SRFBP1: variants seen among roughly 807,000 people sequenced by gnomAD.
SRFBP1 encodes serum response factor binding protein 1.
In SRFBP1, 47 loss-of-function variants were observed where a neutral mutation model predicts 45.5. The observed-to-expected ratio is 1.03, with a 90% CI of 0.82 to 1.32. The LOEUF is 1.32. Among genes scored for constraint, SRFBP1 ranks in the 40% most tolerant of loss-of-function variants. The pLI, the probability that SRFBP1 is intolerant of heterozygous loss-of-function variation, is 0.00. For missense variants in SRFBP1, 621 were observed against 484.6 expected (o/e 1.28, Z -2.64); for synonymous variants, 203 against 166.3 (o/e 1.22, Z -1.70).
chr5:122,068,284 A>G (rs1046346188), intron 2 of SRFBP1, among the ~76,000 whole-genome samples: 1 of 152,022 alleles, frequency 6.6e-6, no homozygotes, highest in Non-Finnish European at 1.5e-5. Flanking sequence ...TTTCTTCTAA[A>G]TATCTAGCAA....
chr5:122,001,007 T>C (rs1752853975), intron 4 of SRFBP1, among the ~76,000 whole-genome samples: 1 of 152,138 alleles, frequency 6.6e-6, no homozygotes, highest in Admixed American at 6.5e-5. Flanking sequence ...CTGGATGTCA[T>C]GTTTTTAATC....
At chr5:122,021,977 A>T (rs994202369) in intron 6 of SRFBP1, among the ~76,000 whole-genome samples, 5 of 151,916 alleles carry the variant, frequency 3.3e-5, no homozygotes, top group Non-Finnish European at 7.4e-5. Flanking sequence ...TACAGGCGTG[A>T]CCCACCGTGC....
intron 2 of SRFBP1, among the ~76,000 whole-genome samples, chr5:122,042,899 AAAT>A (rs771443224): frequency 6.6e-6 from 1 of 152,168 alleles, no homozygotes; most frequent in Admixed American, 6.5e-5. Flanking sequence ...TAGGCCTACC[AAAT>A]AATATATAGG....
chr5:122,065,831 T>C (rs892262023), intron 2 of SRFBP1: 3 of 152,044 alleles, frequency 2.0e-5, no homozygotes, highest in Non-Finnish European at 4.4e-5. Context: ...AGCAAGAAAA[T>C]TGTATCTTTG....
intron 4 of SRFBP1, among the ~76,000 whole-genome samples, chr5:122,017,482 T>G (rs77077185): frequency 0.044 from 6,774 of 152,260 alleles, 176 homozygotes; most frequent in African/African-American, 0.061. Flanking sequence ...TTACTGGGCT[T>G]AAGACCACCC....
intron 2 of SRFBP1, among the ~76,000 whole-genome samples, chr5:122,052,391 G>A (rs1432805833): frequency 6.6e-6 from 1 of 152,124 alleles, no homozygotes; most frequent in Non-Finnish European, 1.5e-5. Flanking sequence ...CCAGTGAGTT[G>A]TAGATTATGT....
intron 2 of SRFBP1, among the ~76,000 whole-genome samples, chr5:122,071,724 A>C (rs2152588222): frequency 6.6e-6 from 1 of 152,324 alleles, no homozygotes; most frequent in Admixed American, 6.5e-5. Flanking sequence ...TTTTAACTCA[A>C]TACTGCCATT....
chr5:122,007,081 C>G (rs985195936), intron 4 of SRFBP1, among the ~76,000 whole-genome samples: 1 of 152,054 alleles, frequency 6.6e-6, no homozygotes, highest in African/African-American at 2.4e-5. Context: ...TCAGTGCATC[C>G]AGAGATTTTG....
chr5:121,981,919 C>A (rs1752416049), intron 3 of SRFBP1, among the ~76,000 whole-genome samples: 1 of 151,840 alleles, frequency 6.6e-6, no homozygotes, highest in Non-Finnish European at 1.5e-5. Context: ...GTGTCTGATA[C>A]ATAGTGAACG....
At chr5:121,999,442 G>A (rs1752807987) in intron 4 of SRFBP1, among the ~76,000 whole-genome samples, 1 of 151,806 alleles carries the variant, frequency 6.6e-6, no homozygotes, top group Non-Finnish European at 1.5e-5. Context: ...ATATTCTTTT[G>A]GGATATCTGT....
At chr5:121,970,987 A>T (rs1752179685) in intron 1 of SRFBP1, among the ~76,000 whole-genome samples, 1 of 152,068 alleles carries the variant, frequency 6.6e-6, no homozygotes, top group Non-Finnish European at 1.5e-5. Flanking sequence ...CAAAATCAGG[A>T]TGAATAGATG....
chr5:121,997,058 A>G, intron 4 of SRFBP1, among the ~76,000 whole-genome samples: 3 of 110,698 alleles, frequency 2.7e-5, no homozygotes, highest in Non-Finnish European at 3.6e-5. Flanking sequence ...ATGGGTAGGA[A>G]GAATCAATAT....
intron 4 of SRFBP1, among the ~76,000 whole-genome samples, chr5:121,997,537 C>CGT (rs1752756305): frequency 6.6e-6 from 1 of 151,606 alleles, no homozygotes; most frequent in Non-Finnish European, 1.5e-5. Flanking sequence ...AAGATTTAAA[C>CGT]GTTAGACCTA....
intron 1 of SRFBP1, among the ~76,000 whole-genome samples, chr5:121,972,328 C>T (rs1752217096): frequency 6.6e-6 from 1 of 151,672 alleles, no homozygotes; most frequent in Admixed American, 6.6e-5. Context: ...ATGATGGTTC[C>T]CAACTGATAA....
At chr5:122,028,955 T>A (rs1310883276), downstream of SRFBP1, among the ~76,000 whole-genome samples, 2 of 152,220 alleles carry the variant, frequency 1.3e-5, no homozygotes, top group Non-Finnish European at 2.9e-5. Context: ...TGTTGGACTT[T>A]TTCTGGGATG....
chr5:122,077,693 C>T (rs1754680064), downstream of SRFBP1: 1 of 1,596,572 alleles, frequency 6.3e-7, no homozygotes, highest in Non-Finnish European at 8.5e-7. The surrounding 1 kb of genome is among the most constrained non-coding windows in gnomAD (Gnocchi z 4.9). Context: ...CGCGGCGGTG[C>T]GGTTGTCGCG....
intron 3 of SRFBP1, among the ~76,000 whole-genome samples, chr5:121,988,868 G>T (rs1356826332): frequency 6.6e-6 from 1 of 151,962 alleles, no homozygotes; most frequent in African/African-American, 2.4e-5. Context: ...ATGTATCTAG[G>T]TATTTTTTTC....
chr5:122,023,060 G>A (rs1472277703), intron 7 of SRFBP1, among the ~76,000 whole-genome samples: 1 of 152,144 alleles, frequency 6.6e-6, no homozygotes, highest in Non-Finnish European at 1.5e-5. Flanking sequence ...AATTTTGCAG[G>A]TGTTTGTGAG....
chr5:122,070,361 G>T (rs972874947), intron 2 of SRFBP1: 6 of 648,174 alleles, frequency 9.3e-6, no homozygotes, highest in Non-Finnish European at 8.2e-6. Context: ...GATTAGATTA[G>T]ATTAGATTGT....
Sources: gnomAD v4.1 joint callset for allele counts (sites outside exome capture counted in the v4.1 genomes callset) on GRCh38, gnomAD v4.1.1 for gene constraint, Gnocchi (gnomAD v3.1) non-coding constraint, MANE v1.5 for transcripts, NCBI Gene and HGNC (gene_info 2026-07-23, HGNC 2026-07-21) for gene names.